NOS1AP: variants seen among roughly 807,000 people sequenced by gnomAD.
The protein encoded by NOS1AP is carboxyl-terminal PDZ ligand of neuronal nitric oxide synthase protein.
In NOS1AP, 21 loss-of-function variants were observed where a neutral mutation model predicts 56.2. The ratio of observed to expected loss-of-function variants is 0.37; its 90% CI spans 0.26 to 0.54. The LOEUF is 0.54. NOS1AP is among the 20% of genes least tolerant of loss of function. The pLI is 0.84. For missense variants in NOS1AP, 522 were observed against 657.8 expected, an observed-to-expected ratio of 0.79 and a Z score of 2.26; for synonymous variants, 270 against 274.6, an observed-to-expected ratio of 0.98 and a Z score of 0.17.
At chr1:162,307,224 CT>C (rs1256237430) in intron 4 of NOS1AP, among the ~76,000 whole-genome samples, 1 of 152,188 alleles carries the variant, frequency 6.6e-6, no homozygotes, top group African/African-American at 2.4e-5. Flanking sequence ...CTTAGCATCC[CT>C]TGTCCTAGTC....
At chr1:162,250,096 C>G (rs1434456630) in intron 2 of NOS1AP, among the ~76,000 whole-genome samples, 2 of 152,192 alleles carry the variant, frequency 1.3e-5, no homozygotes, top group African/African-American at 2.4e-5. Flanking sequence ...AGTCCTAGAC[C>G]AGGTAGCCAA....
At chr1:162,076,495 A>C (rs1227282784) in intron 1 of NOS1AP, among the ~76,000 whole-genome samples, 1 of 152,192 alleles carries the variant, frequency 6.6e-6, no homozygotes, top group Non-Finnish European at 1.5e-5. Context: ...AAAATGTATA[A>C]TTTAGTGATT....
intron 2 of NOS1AP, among the ~76,000 whole-genome samples, chr1:162,218,068 T>A (rs764063350): frequency 6.6e-6 from 1 of 152,224 alleles, no homozygotes; most frequent in Non-Finnish European, 1.5e-5. Context: ...AGTAAGTGAC[T>A]GAGTTAGGAC....
intron 2 of NOS1AP, among the ~76,000 whole-genome samples, chr1:162,279,293 A>G (rs1349753182): frequency 6.6e-6 from 1 of 152,162 alleles, no homozygotes; most frequent in Non-Finnish European, 1.5e-5. Flanking sequence ...TCCCGGGGCT[A>G]TCTCGTCTCC....
rs1691626815 is a variant in NOS1AP, at chr1:162,070,049, C to A, written c.-129C>A. ...GTCCGGCCGCCGCGCGGCCAGGGCT[C>A]CCCCTGCCCAGCGCTCCCAGGCCCC... On this transcript the variant is annotated 5_prime_UTR_variant, in exon 1 of 10. Transcript: ENST00000361897. 1.3e-5 allele frequency: 8 copies of A among 633,218 alleles called. No homozygotes were observed. The highest frequency in any genetic ancestry group is 1.8e-5 in the Non-Finnish European group (7 of 379,934). The allele number at this position is 633,218 out of a possible 1,614,324, so 39.2% of individuals were successfully genotyped here. A position where few individuals can be genotyped will look rare whatever the true frequency, so the allele number is the denominator to read the frequency against.
rs1242670790 is a variant in NOS1AP, at chr1:162,193,205, G to A, written c.177+38729G>A. 2.0e-5 allele frequency among the ~76,000 whole-genome samples: 3 copies of A among 152,302 alleles called. No individual in the cohort carries two copies. In the East Asian group the frequency reaches 5.8e-4, roughly 29 times the overall value. The stretch of plus-strand genomic sequence containing the variant: ...AGTGGCTGGAAAGGAGCTAAAGCTG[G>A]AAGCCTGGGTTGTTTGATAATAATA... On this transcript the variant is annotated intron_variant, in intron 2 of 9. Transcript: ENST00000361897.
chr1:162,222,562 T>C (rs1163973979), intron 2 of NOS1AP, among the ~76,000 whole-genome samples: 1 of 152,220 alleles, frequency 6.6e-6, no homozygotes, highest in Non-Finnish European at 1.5e-5. Context: ...GCTTTTTTAC[T>C]TTGATAATAT....
intron 8 of NOS1AP, 111 bp from the exon 9 acceptor site, chr1:162,365,293 T>C: frequency 6.3e-7 from 1 of 1,576,346 alleles, no homozygotes; most frequent in Non-Finnish European, 8.6e-7. Flanking sequence ...CTTCTTGAAC[T>C]GAATGTGGAG....
chr1:162,346,155 C>G (rs1657288499), intron 6 of NOS1AP, among the ~76,000 whole-genome samples: 1 of 152,144 alleles, frequency 6.6e-6, no homozygotes, highest in African/African-American at 2.4e-5. Flanking sequence ...TGCCTTTTGA[C>G]CCCCAAATTT....
At chr1:162,212,887 C>T (rs3934467) in intron 2 of NOS1AP, among the ~76,000 whole-genome samples, 40,816 of 151,958 alleles carry the variant, frequency 0.27, 5,725 homozygotes, top group East Asian at 0.39. Context: ...CGGCACACGG[C>T]GGACCATGTC....
chr1:162,260,906 ATAAT>A (rs965401363), intron 2 of NOS1AP, among the ~76,000 whole-genome samples: 5 of 152,254 alleles, frequency 3.3e-5, no homozygotes, highest in African/African-American at 1.2e-4. Context: ...AATGAAGCTG[ATAAT>A]TATGTAGTTT....
intron 6 of NOS1AP, among the ~76,000 whole-genome samples, 182 bp from the exon 7 acceptor site, chr1:162,355,005 T>C (rs1181610013): frequency 6.6e-6 from 1 of 152,218 alleles, no homozygotes; most frequent in Non-Finnish European, 1.5e-5. Flanking sequence ...GATACTAAGA[T>C]GAGAACATCT....
At chr1:162,203,080 TG>T (rs2102168782) in intron 2 of NOS1AP, among the ~76,000 whole-genome samples, 1 of 152,334 alleles carries the variant, frequency 6.6e-6, no homozygotes, top group South Asian at 2.1e-4. Flanking sequence ...ACAGACAGCC[TG>T]AATCATCTAG....
At chr1:162,363,937 T>C (rs767302514) in intron 8 of NOS1AP, 171 of 985,184 alleles carry the variant, frequency 1.7e-4, no homozygotes, top group Middle Eastern at 1.0e-3. Context: ...CAATCAGAAA[T>C]AGGGTCAACG....
At chr1:162,177,361 T>A (rs1349026137) in intron 2 of NOS1AP, among the ~76,000 whole-genome samples, 1 of 152,202 alleles carries the variant, frequency 6.6e-6, no homozygotes, top group Non-Finnish European at 1.5e-5. Context: ...CACAGAGTGA[T>A]TCGTCCTGTG....
At chr1:162,213,278 T>C (rs920059853) in intron 2 of NOS1AP, among the ~76,000 whole-genome samples, 2 of 152,242 alleles carry the variant, frequency 1.3e-5, no homozygotes, top group Non-Finnish European at 1.5e-5. Flanking sequence ...GATAACCAAC[T>C]GTATTTCCTG....
At chr1:162,146,944 A>G (rs941013268) in intron 1 of NOS1AP, among the ~76,000 whole-genome samples, 20 of 152,222 alleles carry the variant, frequency 1.3e-4, no homozygotes, top group Admixed American at 5.9e-4. Context: ...TCTTGTTCAG[A>G]GTTCCTATTT....
chr1:162,366,526 G>A (rs164587), intron 9 of NOS1AP, among the ~76,000 whole-genome samples: 151,920 of 152,276 alleles, frequency 1, 75,783 homozygotes, highest in Middle Eastern at 1. Flanking sequence ...TTAAAAATGC[G>A]TCTTTCCTAC....
In NOS1AP at chr1:162,308,578, A is replaced by G. The variant is rs185761499; in HGVS notation, c.344+7872A>G. Among the ~76,000 whole-genome samples, 31 of 152,292 alleles carry G rather than the reference A, an allele frequency of 2.0e-4. 1 individual carries two copies. In the East Asian group the frequency reaches 6.0e-3, roughly 29 times the overall value. ...CATACCACTGGACATCCTCATATCC[A>G]CACCACTGATGGGCTGTGTAGCAGT... On this transcript the variant is annotated intron_variant, in intron 4 of 9. Transcript: ENST00000361897.
Sources: gnomAD v4.1 joint callset for allele counts (sites outside exome capture counted in the v4.1 genomes callset) on GRCh38, gnomAD v4.1.1 for gene constraint, MANE v1.5 for transcripts, NCBI Gene and HGNC (gene_info 2026-07-23, HGNC 2026-07-21) for gene names.